Variants in RUNX2 observed in about 807,000 individuals in gnomAD.
RUNX2 encodes the protein runt-related transcription factor 2.
RUNX2 carries 10 observed loss-of-function variants against 51.7 expected under a neutral mutation model. The observed-to-expected ratio is 0.19, with a 90% CI of 0.12 to 0.33. The LOEUF is 0.33. Ranked by LOEUF, RUNX2 falls within the 10% of genes least tolerant of loss-of-function variation. The pLI is 1.00. For synonymous variants in RUNX2, 276 were observed against 273.6 expected (o/e 1.01, Z -0.09); for missense variants, 562 against 691.3 (o/e 0.81, Z 2.10).
intron 5 of RUNX2, among the ~76,000 whole-genome samples, chr6:45,445,656 G>A (rs1314754219): frequency 3.3e-5 from 5 of 152,142 alleles, no homozygotes; most frequent in African/African-American, 1.2e-4. Context: ...TAAATGCCAT[G>A]TTTTGATATT....
chr6:45,405,825 A>G (rs1021764518), intron 2 of RUNX2, among the ~76,000 whole-genome samples: 3 of 152,156 alleles, frequency 2.0e-5, no homozygotes, highest in Non-Finnish European at 2.9e-5. Context: ...TATTTAGACC[A>G]TAGAAATTGG....
chr6:45,516,780 G>T (rs1350502079), intron 7 of RUNX2, among the ~76,000 whole-genome samples: 2 of 152,182 alleles, frequency 1.3e-5, no homozygotes, highest in Non-Finnish European at 2.9e-5. Flanking sequence ...TTGACACAAA[G>T]ATTATAATTA....
chr6:45,439,730 A>G (rs1335483615), intron 5 of RUNX2, among the ~76,000 whole-genome samples: 1 of 152,002 alleles, frequency 6.6e-6, no homozygotes, highest in Admixed American at 6.6e-5. Context: ...CATACACACA[A>G]GAGTTGATGC....
At chr6:45,539,176 T>C (rs1379529921) in intron 7 of RUNX2, among the ~76,000 whole-genome samples, 3 of 150,596 alleles carry the variant, frequency 2.0e-5, no homozygotes, top group African/African-American at 7.4e-5. Context: ...TTTGGGTGGG[T>C]TTAAGGAATG....
At chr6:45,534,182 A>G (rs1801958301) in intron 7 of RUNX2, among the ~76,000 whole-genome samples, 1 of 152,098 alleles carries the variant, frequency 6.6e-6, no homozygotes, top group African/African-American at 2.4e-5. Context: ...GACCTGAGCC[A>G]CCACGCCCAG....
At chr6:45,512,099 A>G in intron 6 of RUNX2, 147 bp from the exon 7 acceptor site, 2 of 677,580 alleles carry the variant, frequency 3.0e-6, no homozygotes, top group Non-Finnish European at 4.9e-6. Context: ...TAAGAGATAA[A>G]TAGCCATTCC....
At chr6:45,434,357 T>A (rs1798623295) in intron 4 of RUNX2, among the ~76,000 whole-genome samples, 1 of 152,230 alleles carries the variant, frequency 6.6e-6, no homozygotes, top group Non-Finnish European at 1.5e-5. Context: ...ATCAACATGC[T>A]GCTACCATTG....
intron 7 of RUNX2, among the ~76,000 whole-genome samples, chr6:45,528,245 C>T (rs1001006121): frequency 1.3e-5 from 2 of 152,140 alleles, no homozygotes; most frequent in Non-Finnish European, 2.9e-5. Context: ...GGGGACACAG[C>T]CAAACCATAT....
intron 6 of RUNX2, among the ~76,000 whole-genome samples, chr6:45,505,833 A>G (rs989365385): frequency 6.6e-6 from 1 of 152,198 alleles, no homozygotes; most frequent in African/African-American, 2.4e-5. Context: ...TATAAAATCG[A>G]TTCTGACATT....
intron 5 of RUNX2, among the ~76,000 whole-genome samples, chr6:45,464,402 TA>T (rs1234327114): frequency 5.9e-5 from 9 of 152,122 alleles, no homozygotes; most frequent in Non-Finnish European, 1.2e-4. Context: ...ATACCCTAAA[TA>T]TAAACTTTTT....
chr6:45,393,795 T>A (rs1304126368), intron 2 of RUNX2, among the ~76,000 whole-genome samples: 2 of 151,892 alleles, frequency 1.3e-5, no homozygotes, highest in Non-Finnish European at 2.9e-5. Flanking sequence ...ATATAAGAAG[T>A]GTAGTGCCAG....
chr6:45,505,919 G>A (rs1038263379), intron 6 of RUNX2, among the ~76,000 whole-genome samples: 13 of 152,128 alleles, frequency 8.5e-5, no homozygotes, highest in African/African-American at 3.1e-4. Flanking sequence ...ACTTTGCCTC[G>A]GTTGAAACAC....
intron 2 of RUNX2, chr6:45,371,775 C>CTA: frequency 1.1e-6 from 1 of 943,348 alleles, no homozygotes; most frequent in Non-Finnish European, 1.3e-6. Context: ...GGATAAGCAA[C>CTA]TATAACAGAC....
At chr6:45,441,838 T>A (rs1798849548) in intron 5 of RUNX2, among the ~76,000 whole-genome samples, 1 of 152,236 alleles carries the variant, frequency 6.6e-6, no homozygotes, top group Non-Finnish European at 1.5e-5. Context: ...ATGGCACTAG[T>A]ACCCCACTGT....
At chr6:45,493,809 A>G (rs1424726399) in intron 6 of RUNX2, among the ~76,000 whole-genome samples, 1 of 151,472 alleles carries the variant, frequency 6.6e-6, no homozygotes, top group African/African-American at 2.4e-5. Context: ...TTTATATATG[A>G]TTTGTAATGG....
chr6:45,356,176 C>T (rs1333716184), intron 2 of RUNX2, among the ~76,000 whole-genome samples: 1 of 151,862 alleles, frequency 6.6e-6, no homozygotes, highest in Non-Finnish European at 1.5e-5. Flanking sequence ...CTAATGACTA[C>T]AACAACATTT....
chr6:45,516,918 A>G (rs888964014), intron 7 of RUNX2, among the ~76,000 whole-genome samples: 11 of 152,208 alleles, frequency 7.2e-5, no homozygotes, highest in Non-Finnish European at 1.6e-4. Context: ...TTTGGGTCAG[A>G]GTATGAGTCT....
chr6:45,492,170 G>GT, intron 6 of RUNX2, 56 bp downstream of exon 6: 21 of 1,554,352 alleles, frequency 1.4e-5, no homozygotes, highest in Non-Finnish European at 1.9e-5. Context: ...GGGGGTGAGG[G>GT]GCTACCAGAG....
chr6:45,509,346 A>G (rs1801073622), intron 6 of RUNX2, among the ~76,000 whole-genome samples: 1 of 152,238 alleles, frequency 6.6e-6, no homozygotes, highest in African/African-American at 2.4e-5. Context: ...TGTATTTATT[A>G]TATACTTAAT....
Sources: gnomAD v4.1 joint callset for allele counts (sites outside exome capture counted in the v4.1 genomes callset) on GRCh38, gnomAD v4.1.1 for gene constraint, MANE v1.5 for transcripts, NCBI Gene and HGNC (gene_info 2026-07-23, HGNC 2026-07-21) for gene names.